The following EPHA6 variants were observed in gnomAD, a reference collection of about 807,000 sequenced individuals.
The protein encoded by EPHA6 is ephrin type-A receptor 6.
Under a neutral mutation model 112.0 loss-of-function variants are expected in EPHA6, and 50 were observed. That is an observed-to-expected ratio of 0.45 (90% CI 0.36 to 0.56). EPHA6 has a LOEUF of 0.56. EPHA6 is among the 20% of genes least tolerant of loss of function. The pLI is 0.00. For missense variants in EPHA6, 1,280 were observed against 1,417.4 expected (o/e 0.90, Z 1.56); for synonymous variants, 529 against 490.7 (o/e 1.08, Z -1.03).
At chr3:96,975,592 G>A (rs1336284582) in intron 2 of EPHA6, among the ~76,000 whole-genome samples, 2 of 152,150 alleles carry the variant, frequency 1.3e-5, no homozygotes, top group African/African-American at 4.8e-5. Context: ...TATATAAATA[G>A]TGGCCTTAAG....
intron 3 of EPHA6, among the ~76,000 whole-genome samples, chr3:97,163,167 C>T (rs917858542): frequency 3.9e-5 from 6 of 152,156 alleles, no homozygotes; most frequent in Non-Finnish European, 8.8e-5. Context: ...GTGGGTTCTA[C>T]TGAAATGACA....
chr3:97,226,037 T>C (rs1159464327), intron 3 of EPHA6, among the ~76,000 whole-genome samples: 2 of 152,296 alleles, frequency 1.3e-5, no homozygotes, highest in African/African-American at 4.8e-5. Flanking sequence ...GCTTGAGGTA[T>C]AATTTTAAAA....
chr3:97,159,129 T>C (rs2076355898), intron 3 of EPHA6, among the ~76,000 whole-genome samples: 2 of 152,154 alleles, frequency 1.3e-5, no homozygotes, highest in Admixed American at 1.3e-4. Context: ...AATGTTGTTT[T>C]CTAATGACCT....
chr3:97,268,437 T>G (rs1380315888), intron 5 of EPHA6, among the ~76,000 whole-genome samples: 1 of 152,106 alleles, frequency 6.6e-6, no homozygotes, highest in African/African-American at 2.4e-5. Flanking sequence ...TTTAACTATT[T>G]AAAAAAGAGA....
At position 97,226,315 on chromosome 3, in the gene EPHA6, A is replaced by T. The variant is rs1295039177; in HGVS notation, c.1166A>T (p.Lys389Ile). The change falls in exon 4 of 18, where the codon AAA becomes ATA. Residue 389 changes from lysine (K) to isoleucine (I), a missense_variant. By Grantham distance (102) the Lys-to-Ile change is moderately radical (BLOSUM62 -3). Around this residue, in one of 4 missense-constraint regions of EPHA6, gnomAD observed 878 missense variants for 999.7 expected, o/e 0.88. Coordinates refer to ENST00000389672, the MANE Select transcript of EPHA6 (RefSeq NM_001080448.3). The stretch of plus-strand genomic sequence containing the variant: ...TTTGCTGGGAACACAAAATGTTCTA[A>T]ATGTCCTCCACACAGTTTAACATAC... ...KAFAGNTKCS[K>I]CPPHSLTYME... 1 of 1,613,146 alleles carries T rather than the reference A, an allele frequency of 6.2e-7. No homozygotes were observed. The highest frequency in any genetic ancestry group is 1.7e-5 in the Admixed American group (1 of 59,934).
In EPHA6 at chr3:97,270,793, C is replaced by T. The variant is rs935159908; in HGVS notation, c.1606+26506C>T. Among the ~76,000 whole-genome samples the T allele has an allele frequency of 9.2e-5, 14 of 152,222 alleles. 1 individual carries two copies. The highest frequency in any genetic ancestry group is 1.3e-4 in the Non-Finnish European group (9 of 68,046). The stretch of plus-strand genomic sequence containing the variant: ...CTACAAAAGATGTCTCCAGTGCAAA[C>T]TCAGAATAATTTTTCCTTTTTTAAG... On this transcript the variant is annotated intron_variant, in intron 5 of 17. Coordinates refer to ENST00000389672, the MANE Select transcript of EPHA6 (RefSeq NM_001080448.3).
At chr3:96,862,492 C>A (rs1486522177) in intron 1 of EPHA6, among the ~76,000 whole-genome samples, 1 of 151,804 alleles carries the variant, frequency 6.6e-6, no homozygotes, top group Non-Finnish European at 1.5e-5. Context: ...ATTGATAAAT[C>A]TTTGGACTCA....
intron 2 of EPHA6, among the ~76,000 whole-genome samples, chr3:96,882,669 G>C (rs2037382329): frequency 6.6e-6 from 1 of 151,604 alleles, no homozygotes; most frequent in Admixed American, 6.6e-5. Context: ...GTCTCATCCA[G>C]GTCACTGATA....
chr3:97,228,726 G>C (rs1320193768), intron 4 of EPHA6, among the ~76,000 whole-genome samples: 1 of 152,108 alleles, frequency 6.6e-6, no homozygotes. Flanking sequence ...CCTCTGGGTA[G>C]ATAGATACCT....
chr3:97,475,276 T>C lies in EPHA6; in HGVS notation c.1895-76T>C, dbSNP rs2091336732. ...TGGCATCCGTTATTGTATTTTCTAG[T>C]GTAAACTAAATTGTAAAATGGTTTT... is the stretch of plus-strand genomic sequence containing the variant. On this transcript the variant is annotated intron_variant, in intron 7 of 17. Coordinates refer to ENST00000389672, the MANE Select transcript of EPHA6 (RefSeq NM_001080448.3). 1.0e-5 allele frequency: 11 copies of C among 1,064,278 alleles called. No individual in the cohort carries two copies. The South Asian group carries it at 1.6e-4, about 15-fold the overall frequency. 65.9% of individuals were successfully genotyped at this position (1,064,278 alleles called of 1,614,324 possible).
intron 6 of EPHA6, among the ~76,000 whole-genome samples, chr3:97,435,123 A>G (rs1295851510): frequency 6.6e-6 from 1 of 152,068 alleles, no homozygotes; most frequent in Non-Finnish European, 1.5e-5. Context: ...GTCATATACT[A>G]GATCAGATTC....
chr3:96,863,082 A>G (rs1441998986), intron 1 of EPHA6, among the ~76,000 whole-genome samples: 2 of 151,592 alleles, frequency 1.3e-5, no homozygotes, highest in African/African-American at 4.8e-5. Context: ...CCCCCAGGCT[A>G]TTTTTTTTGT....
At chr3:96,879,890 A>G (rs1411220373) in intron 2 of EPHA6, among the ~76,000 whole-genome samples, 1 of 152,086 alleles carries the variant, frequency 6.6e-6, no homozygotes, top group Non-Finnish European at 1.5e-5. Context: ...TTTATCAAAT[A>G]CAAGAGTCTT....
chr3:97,624,695 A>G (rs909946875), intron 13 of EPHA6, among the ~76,000 whole-genome samples: 4 of 151,588 alleles, frequency 2.6e-5, no homozygotes, highest in African/African-American at 9.7e-5. Context: ...GATTTTCTTT[A>G]TCAAGAGATT....
At chr3:96,980,978 C>T (rs1006732264) in intron 2 of EPHA6, among the ~76,000 whole-genome samples, 1 of 152,164 alleles carries the variant, frequency 6.6e-6, no homozygotes, top group African/African-American at 2.4e-5. Context: ...TCTAAATATA[C>T]AAGCATGTCA....
intron 5 of EPHA6, among the ~76,000 whole-genome samples, chr3:97,276,582 T>C (rs1233910787): frequency 2.6e-5 from 4 of 152,080 alleles, no homozygotes; most frequent in African/African-American, 7.2e-5. Flanking sequence ...TTTTCTATTA[T>C]TGTACACCTT....
chr3:97,445,567 T>G (rs2090313577), intron 6 of EPHA6, among the ~76,000 whole-genome samples: 2 of 152,142 alleles, frequency 1.3e-5, no homozygotes, highest in Admixed American at 1.3e-4. Flanking sequence ...TTTGTAAGCT[T>G]AAATTATATA....
At chr3:97,327,629 C>T (rs1213799543) in intron 5 of EPHA6, among the ~76,000 whole-genome samples, 1 of 151,896 alleles carries the variant, frequency 6.6e-6, no homozygotes, top group Non-Finnish European at 1.5e-5. Flanking sequence ...TCTTCATCCC[C>T]TCTCTTCTGT....
chr3:97,730,086 G>T (rs1243757777), intron 15 of EPHA6, among the ~76,000 whole-genome samples: 1 of 152,062 alleles, frequency 6.6e-6, no homozygotes. Flanking sequence ...ATAAAAATGT[G>T]ATACCCTGCA....
Sources: allele counts gnomAD v4.1 joint callset (sites outside exome capture counted in the v4.1 genomes callset), GRCh38; gene constraint gnomAD v4.1.1; regional missense constraint gnomAD v4.1.1; transcripts MANE v1.5; gene names NCBI Gene and HGNC (gene_info 2026-07-23, HGNC 2026-07-21).